Variants in CDC14B observed in about 807,000 individuals in gnomAD.
The protein encoded by CDC14B is dual specificity protein phosphatase CDC14B.
CDC14B carries 22 observed loss-of-function variants against 64.2 expected under a neutral mutation model. That is an observed-to-expected ratio of 0.34 (90% CI 0.24 to 0.49). The LOEUF (loss-of-function observed/expected upper bound fraction) is 0.49, where lower values mean the gene tolerates loss of function less well. Among genes scored for constraint, CDC14B ranks in the 20% least tolerant of loss-of-function variants. The pLI is 0.99. For missense variants in CDC14B, 498 were observed against 629.9 expected (o/e 0.79, Z 2.24); for synonymous variants, 191 against 215.8 (o/e 0.89, Z 1.01).
rs541894613 is a variant in CDC14B at position 96,543,089 on chromosome 9, C to T, written c.498-1197G>A. ...CAGTGGCTAACGCCTGTAATCCCAC[C>T]ACTTTGCGAGGCCGAGGCAAGTGGA... On this transcript the variant is annotated intron_variant, in intron 5 of 13. Transcript: ENST00000375241. Among the ~76,000 whole-genome samples, 23 of 152,254 alleles carry T rather than the reference C, an allele frequency of 1.5e-4. No individual in the cohort carries two copies. The South Asian group carries it at 4.4e-3, about 29-fold the overall frequency.
intron 1 of CDC14B, among the ~76,000 whole-genome samples, chr9:96,571,133 T>C (rs1844440749): frequency 1.3e-5 from 2 of 152,136 alleles, no homozygotes; most frequent in African/African-American, 4.8e-5. Context: ...GATGAAATGA[T>C]TTTGAAAAAG....
intron 13 of CDC14B, among the ~76,000 whole-genome samples, chr9:96,508,334 T>C (rs995120177): frequency 6.7e-6 from 1 of 149,140 alleles, no homozygotes; most frequent in African/African-American, 2.5e-5. Flanking sequence ...AGAATTGTTA[T>C]GCATGGCTCT....
intron 9 of CDC14B, among the ~76,000 whole-genome samples, chr9:96,525,858 T>G (rs1346438211): frequency 6.6e-6 from 1 of 152,100 alleles, no homozygotes; most frequent in East Asian, 1.9e-4. Flanking sequence ...TTCAGAACTG[T>G]TGAGATGGGG....
At chr9:96,504,366 T>C (rs1265052878) in intron 13 of CDC14B, among the ~76,000 whole-genome samples, 1 of 152,120 alleles carries the variant, frequency 6.6e-6, no homozygotes, top group Non-Finnish European at 1.5e-5. Context: ...TTCACGACGC[T>C]ACACTTTCAG....
chr9:96,542,204 C>T (rs1406643391), intron 5 of CDC14B, among the ~76,000 whole-genome samples: 1 of 152,186 alleles, frequency 6.6e-6, no homozygotes, highest in African/African-American at 2.4e-5. Context: ...CAAATCAATA[C>T]CTATCTCTCC....
At chr9:96,578,210 G>T (rs1014160355) in intron 1 of CDC14B, among the ~76,000 whole-genome samples, 9 of 152,316 alleles carry the variant, frequency 5.9e-5, no homozygotes, top group Middle Eastern at 3.4e-3. Context: ...TAATATGCAT[G>T]AATCCATACT....
intron 7 of CDC14B, 123 bp from the exon 8 acceptor site, chr9:96,534,665 T>C (rs1006814233): frequency 3.1e-6 from 2 of 648,504 alleles, no homozygotes; most frequent in Non-Finnish European, 5.5e-6. Context: ...TGTTTACAAA[T>C]TGCCATGAGA....
intron 12 of CDC14B, chr9:96,514,681 G>A (rs1587763028): frequency 1.0e-6 from 1 of 985,448 alleles, no homozygotes; most frequent in Non-Finnish European, 1.2e-6. Flanking sequence ...GAGGAGACAA[G>A]AGAAGAAATT....
At chr9:96,581,305 AATAAAG>A (rs1208510634) in intron 1 of CDC14B, among the ~76,000 whole-genome samples, 1 of 151,756 alleles carries the variant, frequency 6.6e-6, no homozygotes, top group African/African-American at 2.4e-5. Flanking sequence ...AATCTTCTAA[AATAAAG>A]ATAAACAGAG....
At chr9:96,525,323 C>T (rs189316414) in intron 9 of CDC14B, among the ~76,000 whole-genome samples, 3 of 152,170 alleles carry the variant, frequency 2.0e-5, no homozygotes, top group Middle Eastern at 3.4e-3. Flanking sequence ...TAAAGTAAGG[C>T]TTTTGGACTT....
chr9:96,547,016 C>G (rs905935495), intron 5 of CDC14B, among the ~76,000 whole-genome samples: 2 of 151,658 alleles, frequency 1.3e-5, no homozygotes, highest in African/African-American at 2.4e-5. Context: ...GAGCCAAGAT[C>G]GTGCCACTGC....
chr9:96,591,920 T>G (rs528703327), intron 1 of CDC14B, among the ~76,000 whole-genome samples: 1 of 152,162 alleles, frequency 6.6e-6, no homozygotes, highest in Admixed American at 6.5e-5. Context: ...TAATTTTTTG[T>G]ATTTTTAGTA....
chr9:96,525,775 C>T (rs1248207716), intron 9 of CDC14B, among the ~76,000 whole-genome samples: 3 of 152,184 alleles, frequency 2.0e-5, no homozygotes, highest in Admixed American at 1.3e-4. Flanking sequence ...CCTCAAGTCT[C>T]CCCTATACCT....
rs1238342920 is a variant in CDC14B at position 96,565,416 on chromosome 9, T to G, written c.228A>C (p.Ile76=). The change falls in exon 2 of 14, where the codon ATA becomes ATC. Residue 76 remains isoleucine (I), a synonymous_variant. Coordinates refer to ENST00000375241, the MANE Select transcript of CDC14B (RefSeq NM_033331.4). ...ACTTCTCATATTCAAGTTCATTATC[T>G]ATGCTGAAATAATGTACATTTGATG... The part of the protein sequence containing the change: ...KSASNVHYFS[I]DNELEYENFY... 2.4e-5 allele frequency: 38 copies of G among 1,605,348 alleles called. No individual in the cohort carries two copies. Among genetic ancestry groups the G allele is most frequent in the Non-Finnish European group, 3.2e-5 (37 of 1,172,452 alleles).
At chr9:96,506,046 G>A (rs184600883) in intron 13 of CDC14B, among the ~76,000 whole-genome samples, 124 of 152,308 alleles carry the variant, frequency 8.1e-4, no homozygotes, top group Middle Eastern at 6.8e-3. Context: ...GAGTTTGGGT[G>A]GAGTCTTCAT....
intron 1 of CDC14B, among the ~76,000 whole-genome samples, chr9:96,600,566 G>A (rs749455251): frequency 4.0e-5 from 6 of 151,632 alleles, no homozygotes; most frequent in Non-Finnish European, 7.4e-5. Flanking sequence ...GCAATGGTGC[G>A]ATCTTGGCTC....
At chr9:96,496,215 A>C (rs1425020946), downstream of CDC14B, 1 of 458,674 alleles carries the variant, frequency 2.2e-6, no homozygotes. Flanking sequence ...ACCTGCTGAG[A>C]GGCTTCAATT....
intron 1 of CDC14B, 87 bp from the exon 2 acceptor site, chr9:96,565,570 A>G: frequency 1.1e-6 from 1 of 895,630 alleles, no homozygotes; most frequent in Non-Finnish European, 1.9e-6. Context: ...AGATGAAGTC[A>G]ATTTTTCATT....
intron 4 of CDC14B, among the ~76,000 whole-genome samples, chr9:96,558,572 AG>A (rs1205243995): frequency 1.3e-5 from 2 of 152,248 alleles, no homozygotes; most frequent in African/African-American, 4.8e-5. Flanking sequence ...AAATTTCTCA[AG>A]AGTGCAAATA....
Sources: gnomAD v4.1 joint callset for allele counts (sites outside exome capture counted in the v4.1 genomes callset) on GRCh38, gnomAD v4.1.1 for gene constraint, MANE v1.5 for transcripts, NCBI Gene and HGNC (gene_info 2026-07-23, HGNC 2026-07-21) for gene names.